Variants in TGFBRAP1 observed in about 807,000 individuals in gnomAD.
The protein encoded by TGFBRAP1 is transforming growth factor beta receptor associated protein 1.
Under a neutral mutation model 83.2 loss-of-function variants are expected in TGFBRAP1, and 20 were observed. The ratio of observed to expected loss-of-function variants is 0.24; its 90% CI spans 0.17 to 0.35. The LOEUF is 0.35. Among genes scored for constraint, TGFBRAP1 ranks in the 10% least tolerant of loss-of-function variants. TGFBRAP1 has a pLI of 1.00. For synonymous variants in TGFBRAP1, 415 were observed against 459.8 expected (o/e 0.90, Z 1.25); for missense variants, 950 against 1,099.4 (o/e 0.86, Z 1.92).
intron 1 of TGFBRAP1, among the ~76,000 whole-genome samples, chr2:105,325,645 G>A (rs148134389): frequency 6.6e-6 from 1 of 152,276 alleles, no homozygotes; most frequent in Non-Finnish European, 1.5e-5. Flanking sequence ...GAGTCTAGAA[G>A]AGGAATCCTG....
chr2:105,254,618 C>G, the TGFBRAP1 span, among the ~76,000 whole-genome samples: 1 of 151,846 alleles, frequency 6.6e-6, no homozygotes, highest in East Asian at 1.9e-4. Flanking sequence ...ACCCTTTGAA[C>G]AAGCAGAAGT....
At chr2:105,302,950 A>G (rs1678351588) in intron 2 of TGFBRAP1, among the ~76,000 whole-genome samples, 1 of 152,216 alleles carries the variant, frequency 6.6e-6, no homozygotes, top group South Asian at 2.1e-4. Flanking sequence ...AGAGTTTCCA[A>G]TAATTATACT....
At chr2:105,249,558 A>C in the TGFBRAP1 span, 1 of 152,216 alleles carries the variant, frequency 6.6e-6, no homozygotes, top group Non-Finnish European at 1.5e-5. Flanking sequence ...AAGGAAAAAA[A>C]GGCACCACAT....
chr2:105,321,191 G>A (rs770287231), intron 1 of TGFBRAP1, among the ~76,000 whole-genome samples: 1 of 151,290 alleles, frequency 6.6e-6, no homozygotes, highest in Non-Finnish European at 1.5e-5. Flanking sequence ...TTGAGATGGA[G>A]TCTCTTGCTT....
At chr2:105,260,280 T>G (rs1227817253), downstream of TGFBRAP1, among the ~76,000 whole-genome samples, 1 of 152,088 alleles carries the variant, frequency 6.6e-6, no homozygotes, top group Non-Finnish European at 1.5e-5. Flanking sequence ...CATGGTGGCA[T>G]GCGCCTATAA....
intron 1 of TGFBRAP1, among the ~76,000 whole-genome samples, chr2:105,325,989 A>G (rs1019074780): frequency 6.6e-6 from 1 of 152,180 alleles, no homozygotes; most frequent in Non-Finnish European, 1.5e-5. Context: ...GTTATAGTGC[A>G]ATGAACCTGC....
chr2:105,305,751 G>A (rs1041603602), intron 2 of TGFBRAP1, among the ~76,000 whole-genome samples: 2 of 152,086 alleles, frequency 1.3e-5, no homozygotes, highest in South Asian at 2.1e-4. Flanking sequence ...TGTAACCTCC[G>A]CCCAAGTGAT....
chr2:105,278,304 C>A (rs1267330178), intron 6 of TGFBRAP1, among the ~76,000 whole-genome samples: 1 of 152,116 alleles, frequency 6.6e-6, no homozygotes, highest in Non-Finnish European at 1.5e-5. Context: ...AATATAATTT[C>A]ATATGTCTTT....
intron 2 of TGFBRAP1, among the ~76,000 whole-genome samples, chr2:105,305,935 G>A (rs555369945): frequency 6.4e-4 from 97 of 152,256 alleles, no homozygotes; most frequent in African/African-American, 2.3e-3. Flanking sequence ...GATTACAGGC[G>A]TGAGCCACCT....
chr2:105,304,674 T>A (rs1678434059), intron 2 of TGFBRAP1, among the ~76,000 whole-genome samples: 1 of 152,116 alleles, frequency 6.6e-6, no homozygotes, highest in African/African-American at 2.4e-5. Context: ...TCCCAGCTAC[T>A]CGGGAGGTTA....
chr2:105,272,720 T>C (rs1429582041), intron 10 of TGFBRAP1, 135 bp downstream of exon 10: 15 of 1,213,016 alleles, frequency 1.2e-5, no homozygotes, highest in Non-Finnish European at 1.7e-5. Flanking sequence ...TAAAAAAATC[T>C]TTTTAAAAAA....
chr2:105,312,405 A>G (rs1678724547), intron 1 of TGFBRAP1, among the ~76,000 whole-genome samples: 1 of 152,238 alleles, frequency 6.6e-6, no homozygotes, highest in African/African-American at 2.4e-5. Context: ...TTCAAAATAC[A>G]TACCCAGGTA....
At chr2:105,325,121 T>A (rs1679186291) in intron 1 of TGFBRAP1, 1 of 152,336 alleles carries the variant, frequency 6.6e-6, no homozygotes, top group African/African-American at 2.4e-5. Flanking sequence ...AGAGTCATGC[T>A]GGTAAGTAGA....
At chr2:105,318,598 C>T (rs746383729) in intron 1 of TGFBRAP1, among the ~76,000 whole-genome samples, 13 of 152,290 alleles carry the variant, frequency 8.5e-5, no homozygotes, top group Non-Finnish European at 1.0e-4. Flanking sequence ...AATTTCATTG[C>T]ATGGAAGCAC....
At position 105,296,633 on chromosome 2, in the gene TGFBRAP1, A is replaced by C. The variant is rs927664548; in HGVS notation, c.884-123T>G. On this transcript the variant is annotated intron_variant, in intron 3 of 11. Transcript: ENST00000393359. ...AACAACTTCACCATAGTTTTCTCAA[A>C]GGAATTCCTACAAAAATTATAAATT... 3.7e-6 allele frequency: 4 copies of C among 1,088,046 alleles called. No homozygotes were observed. In the African/African-American group the frequency reaches 6.5e-5, roughly 18 times the overall value. 67.4% of individuals were successfully genotyped at this position (1,088,046 alleles called of 1,614,324 possible). A position where few individuals can be genotyped will look rare whatever the true frequency, so the allele number is the denominator to read the frequency against.
rs540066388 is a variant in TGFBRAP1, at chr2:105,265,457, A to G, written c.*1926T>C. The stretch of plus-strand genomic sequence containing the variant: ...GCACTCCAGCCTGGGTGACAGAGTG[A>G]GACTCTGTCTGTGTGTTAGGAATGA... On this transcript the variant is annotated 3_prime_UTR_variant, in exon 12 of 12. Transcript: ENST00000393359. 1 of 152,692 alleles carries G rather than the reference A, an allele frequency of 6.5e-6. No individual in the cohort carries two copies. Among genetic ancestry groups the G allele is most frequent in the East Asian group, 1.9e-4 (1 of 5,192 alleles). 9.5% of individuals were successfully genotyped at this position (152,692 alleles called of 1,614,324 possible). A position where few individuals can be genotyped will look rare whatever the true frequency, so the allele number is the denominator to read the frequency against.
intron 1 of TGFBRAP1, among the ~76,000 whole-genome samples, chr2:105,322,803 A>T (rs1679106803): frequency 1.3e-5 from 2 of 152,348 alleles, no homozygotes; most frequent in African/African-American, 4.8e-5. Flanking sequence ...TTCTCAGACC[A>T]TAACCTAGTC....
the TGFBRAP1 span, among the ~76,000 whole-genome samples, chr2:105,256,358 C>T: frequency 1.3e-5 from 2 of 152,146 alleles, no homozygotes; most frequent in Admixed American, 6.5e-5. Context: ...GGGGCCATCA[C>T]CTCGCTCACT....
chr2:105,293,007 A>T (rs1406802626), intron 4 of TGFBRAP1, among the ~76,000 whole-genome samples: 3 of 152,142 alleles, frequency 2.0e-5, no homozygotes, highest in Non-Finnish European at 4.4e-5. Flanking sequence ...GATTAAAAAA[A>T]AAAAGCAAAA....
Sources: allele counts gnomAD v4.1 joint callset (sites outside exome capture counted in the v4.1 genomes callset), GRCh38; gene constraint gnomAD v4.1.1; transcripts MANE v1.5; gene names NCBI Gene and HGNC (gene_info 2026-07-23, HGNC 2026-07-21).